Variants in LHFPL6 observed in about 807,000 individuals in gnomAD.
LHFPL6 encodes LHFPL tetraspan subfamily member 6 protein.
In LHFPL6, 9 loss-of-function variants were observed where a neutral mutation model predicts 20.6. That is an observed-to-expected ratio of 0.44 (90% CI 0.26 to 0.76). LHFPL6 has a LOEUF of 0.76. LHFPL6 is among the 30% of genes least tolerant of loss of function. The pLI, the probability that LHFPL6 is intolerant of heterozygous loss-of-function variation, is 0.20. For missense variants in LHFPL6, 218 were observed against 253.5 expected (o/e 0.86, Z 0.95); for synonymous variants, 105 against 98.7 (o/e 1.06, Z -0.38).
chr13:39,386,755 A>G (rs1331852252), intron 2 of LHFPL6, among the ~76,000 whole-genome samples: 1 of 152,224 alleles, frequency 6.6e-6, no homozygotes, highest in Non-Finnish European at 1.5e-5. Context: ...GGTCCTGGTC[A>G]TCCTGTTAAC....
intron 2 of LHFPL6, among the ~76,000 whole-genome samples, chr13:39,519,079 T>C (rs1266247563): frequency 1.3e-5 from 2 of 151,922 alleles, no homozygotes; most frequent in African/African-American, 2.4e-5. Flanking sequence ...CTACTAAAAA[T>C]ACAAAAATTA....
At chr13:39,424,299 A>G (rs1036047575) in intron 2 of LHFPL6, among the ~76,000 whole-genome samples, 1 of 151,830 alleles carries the variant, frequency 6.6e-6, no homozygotes, top group Non-Finnish European at 1.5e-5. Context: ...CACACAATAA[A>G]GGAATAAAGG....
chr13:39,438,923 A>G (rs1272581820), intron 2 of LHFPL6, among the ~76,000 whole-genome samples: 1 of 152,126 alleles, frequency 6.6e-6, no homozygotes. Context: ...CCTCATGGAG[A>G]ACCTCTACTA....
chr13:39,483,260 T>C (rs1036355382), intron 2 of LHFPL6, among the ~76,000 whole-genome samples: 3 of 152,180 alleles, frequency 2.0e-5, no homozygotes, highest in Non-Finnish European at 4.4e-5. Context: ...CTCTGCCCTG[T>C]TCCAGCTTTC....
At chr13:39,446,714 C>G (rs1206446374) in intron 2 of LHFPL6, among the ~76,000 whole-genome samples, 1 of 152,072 alleles carries the variant, frequency 6.6e-6, no homozygotes, top group East Asian at 1.9e-4. Flanking sequence ...AGTTAAGTGG[C>G]AAAGCCGGTA....
At chr13:39,553,788 C>G (rs1871216420) in intron 2 of LHFPL6, among the ~76,000 whole-genome samples, 1 of 152,196 alleles carries the variant, frequency 6.6e-6, no homozygotes, top group Non-Finnish European at 1.5e-5. Flanking sequence ...CAAACTTTAC[C>G]TAGCCTGCTG....
At chr13:39,479,088 C>T (rs576345082) in intron 2 of LHFPL6, among the ~76,000 whole-genome samples, 3 of 144,034 alleles carry the variant, frequency 2.1e-5, no homozygotes, top group Non-Finnish European at 4.6e-5. Context: ...GATAGACAGA[C>T]ATAGGTTGAT....
chr13:39,552,028 TC>T (rs1278799603), intron 2 of LHFPL6, among the ~76,000 whole-genome samples: 2 of 152,214 alleles, frequency 1.3e-5, no homozygotes, highest in African/African-American at 4.8e-5. Flanking sequence ...GCTGGCCTAT[TC>T]TTTTTTATTA....
intron 2 of LHFPL6, among the ~76,000 whole-genome samples, chr13:39,463,914 G>A (rs1872741548): frequency 6.6e-6 from 1 of 152,144 alleles, no homozygotes; most frequent in Admixed American, 6.5e-5. Context: ...TATGCAAATT[G>A]AGCAAACCTA....
intron 2 of LHFPL6, among the ~76,000 whole-genome samples, chr13:39,439,140 G>C (rs1330455768): frequency 1.3e-5 from 2 of 152,194 alleles, no homozygotes; most frequent in East Asian, 3.9e-4. Flanking sequence ...ACCCTGCAAA[G>C]CCTCAGGGGT....
At chr13:39,556,549 G>A (rs1871310245) in intron 2 of LHFPL6, among the ~76,000 whole-genome samples, 1 of 152,162 alleles carries the variant, frequency 6.6e-6, no homozygotes, top group African/African-American at 2.4e-5. Context: ...ATGACCTAGG[G>A]TATCTGGCAG....
At chr13:39,414,307 T>G (rs1219519070) in intron 2 of LHFPL6, among the ~76,000 whole-genome samples, 3 of 152,248 alleles carry the variant, frequency 2.0e-5, no homozygotes, top group Non-Finnish European at 4.4e-5. Flanking sequence ...CTTAATAAAA[T>G]AAGCATTAGC....
intron 2 of LHFPL6, among the ~76,000 whole-genome samples, chr13:39,594,502 G>C (rs371078775): frequency 3.8e-4 from 58 of 152,244 alleles, no homozygotes; most frequent in East Asian, 2.5e-3. Context: ...AATAGGAACA[G>C]TTTTACACTG....
intron 2 of LHFPL6, among the ~76,000 whole-genome samples, chr13:39,595,889 CTA>C (rs1395206739): frequency 6.6e-6 from 1 of 152,148 alleles, no homozygotes; most frequent in African/African-American, 2.4e-5. Context: ...CCTAATCATT[CTA>C]TGTTTCCAAG....
intron 2 of LHFPL6, among the ~76,000 whole-genome samples, chr13:39,387,990 T>C (rs1566100015): frequency 1.3e-5 from 2 of 152,080 alleles, no homozygotes; most frequent in South Asian, 2.1e-4. Context: ...TTGTGAGCGC[T>C]GGCACACAAA....
At chr13:39,576,724 C>G (rs911395337) in intron 2 of LHFPL6, among the ~76,000 whole-genome samples, 20 of 152,110 alleles carry the variant, frequency 1.3e-4, no homozygotes, top group African/African-American at 4.6e-4. Context: ...GCCTCGACTT[C>G]CTAGGTTCAA....
intron 2 of LHFPL6, among the ~76,000 whole-genome samples, chr13:39,418,984 TA>T (rs1332952193): frequency 6.6e-6 from 1 of 152,228 alleles, no homozygotes; most frequent in Non-Finnish European, 1.5e-5. Context: ...TCACCTTCCT[TA>T]AACGTTTCAG....
At chr13:39,471,164 A>C (rs1055034348) in intron 2 of LHFPL6, among the ~76,000 whole-genome samples, 11 of 152,186 alleles carry the variant, frequency 7.2e-5, no homozygotes, top group African/African-American at 2.4e-4. Flanking sequence ...AGACTGAGGA[A>C]GGTTTGTTGG....
chr13:39,502,943 A>C (rs889121400), intron 2 of LHFPL6, among the ~76,000 whole-genome samples: 13 of 152,044 alleles, frequency 8.6e-5, no homozygotes, highest in Admixed American at 1.3e-4. Context: ...CCCAGGTTTG[A>C]GGGCAGTGGT....
Sources: gnomAD v4.1 joint callset for allele counts (sites outside exome capture counted in the v4.1 genomes callset) on GRCh38, gnomAD v4.1.1 for gene constraint, MANE v1.5 for transcripts, NCBI Gene and HGNC (gene_info 2026-07-23, HGNC 2026-07-21) for gene names.